The following GRID2IP variants were observed in gnomAD, a reference collection of about 807,000 sequenced individuals.
GRID2IP encodes the protein Grid2 interacting protein.
GRID2IP carries 78 observed loss-of-function variants against 114.3 expected under a neutral mutation model. The observed-to-expected ratio is 0.68, with a 90% CI of 0.57 to 0.82. The LOEUF (loss-of-function observed/expected upper bound fraction) is 0.82, where lower values mean the gene tolerates loss of function less well. GRID2IP is among the 40% of genes least tolerant of loss of function. GRID2IP has a pLI of 0.00. For synonymous variants in GRID2IP, 809 were observed against 724.0 expected (o/e 1.12, Z -1.89); for missense variants, 1,727 against 1,678.5 (o/e 1.03, Z -0.51).
rs932733928 is a variant in GRID2IP at position 6,536,901 on chromosome 7, C to A, written c.584+2817G>T. ...TCCGCTGCAGAGCCGAGAGCTGCGC[C>A]GGGGCTGGGGTGGGCGGGGGGGCGG... is the stretch of plus-strand genomic sequence containing the variant. On this transcript the variant is annotated intron_variant, in intron 2 of 21. Transcript: ENST00000457091. This position sits in a 1 kb window ranked among gnomAD's most constrained non-coding sequence, Gnocchi z 5.3. 1.0e-4 allele frequency: 5 copies of A among 48,946 alleles called. No individual in the cohort carries two copies. Among genetic ancestry groups the A allele is most frequent in the African/African-American group, 7.1e-4 (4 of 5,620 alleles). The allele number at this position is 48,946 out of a possible 1,614,324, so 3.0% of individuals were successfully genotyped here. A position where few individuals can be genotyped will look rare whatever the true frequency, so the allele number is the denominator to read the frequency against.
At chr7:6,498,351 G>T in intron 20 of GRID2IP, 123 bp from the exon 21 acceptor site, 1 of 881,768 alleles carries the variant, frequency 1.1e-6, no homozygotes, top group Non-Finnish European at 1.7e-6. Context: ...CCAAGGGCCA[G>T]GCCCTGTGTC....
In GRID2IP at chr7:6,523,409, G is replaced by A. The variant is rs1195962260; in HGVS notation, c.920-1452C>T. ...TCAAAGAGCACTGGGCCAGGAGTCA[G>A]GAGATCCCAGTTTCTGGTCCTTAAT... On this transcript the variant is annotated intron_variant, in intron 4 of 21. Coordinates refer to ENST00000457091, the MANE Select transcript of GRID2IP (RefSeq NM_001145118.2). The surrounding 1 kb of genome is among the most constrained non-coding windows in gnomAD (Gnocchi z 4.5). Among the ~76,000 whole-genome samples, 1 of 152,084 alleles carries A rather than the reference G, an allele frequency of 6.6e-6. No individual in the cohort carries two copies. Among genetic ancestry groups the A allele is most frequent in the Non-Finnish European group, 1.5e-5 (1 of 68,036 alleles).
chr7:6,530,366 C>T (rs1779594337), intron 2 of GRID2IP, among the ~76,000 whole-genome samples: 2 of 151,886 alleles, frequency 1.3e-5, no homozygotes, highest in Non-Finnish European at 1.5e-5. Context: ...CAGGTTCAAG[C>T]GATTCTCCTG....
In GRID2IP at chr7:6,519,260, G is replaced by A. The variant is rs548291049; in HGVS notation, c.1268+1318C>T. Among the ~76,000 whole-genome samples, 50 of 152,212 alleles carry A rather than the reference G, an allele frequency of 3.3e-4. No homozygotes were observed. Among genetic ancestry groups the A allele is most frequent in the African/African-American group, 1.2e-3 (49 of 41,538 alleles). On this transcript the variant is annotated intron_variant, in intron 7 of 21. Transcript: ENST00000457091. The surrounding 1 kb of genome is among the most constrained non-coding windows in gnomAD (Gnocchi z 4.1). The stretch of plus-strand genomic sequence containing the variant: ...AAATGGACCGTGGTGATGTTTGCAC[G>A]TATTTGTGAATATACTAAAAACCAC...
At chr7:6,540,054 CCTTT>C (rs1779789106) in intron 1 of GRID2IP, among the ~76,000 whole-genome samples, 182 bp from the exon 2 acceptor site, 1 of 151,648 alleles carries the variant, frequency 6.6e-6, no homozygotes, top group East Asian at 1.9e-4. Flanking sequence ...TCTCTTCCTT[CCTTT>C]CTTCCTTCCT....
At chr7:6,538,582 A>G (rs1401663780) in intron 2 of GRID2IP, among the ~76,000 whole-genome samples, 2 of 150,994 alleles carry the variant, frequency 1.3e-5, no homozygotes, top group East Asian at 2.0e-4. Flanking sequence ...AAAACAAAAC[A>G]AGAAAAGTAA....
Position 6,497,235 on chromosome 7 carries a change from C to T in GRID2IP, c.*539G>A, listed in dbSNP as rs1786278041. Among the ~76,000 whole-genome samples the T allele has an allele frequency of 1.3e-5, 2 of 152,230 alleles. No homozygotes were observed. The highest frequency in any genetic ancestry group is 2.4e-5 in the African/African-American group (1 of 41,462). On this transcript the variant is annotated 3_prime_UTR_variant, in exon 22 of 22. Transcript: ENST00000457091. ...TCCTTCTCCAGTCCTTCCTTCCCTG[C>T]GTCTCTCCCAGGCTTCTCTCTTCCT...
At position 6,510,643 on chromosome 7, in the gene GRID2IP, C is replaced by A. The variant is rs375089083; in HGVS notation, c.1619G>T (p.Gly540Val). ...GTTGGGGGTCTCAGGGAGGGACGTG[C>A]CGTCGCCTGCCTGGCGCTCGCCTGG... ...LIPGERQAGD[G>V]TSLPETPNPK... Residue 540 changes from glycine (G) to valine (V), a missense_variant, in exon 10 of 22, where the codon GGC (glycine) becomes GTC (valine). By Grantham distance (109) the Gly-to-Val change is moderately radical (BLOSUM62 -3). Coordinates refer to ENST00000457091, the MANE Select transcript of GRID2IP (RefSeq NM_001145118.2). 1 of 1,538,092 alleles carries A rather than the reference C, an allele frequency of 6.5e-7. No homozygotes were observed. Among genetic ancestry groups the A allele is most frequent in the African/African-American group, 1.4e-5 (1 of 72,102 alleles).
At chr7:6,512,058 C>G (rs892849910) in intron 8 of GRID2IP, among the ~76,000 whole-genome samples, 4 of 151,498 alleles carry the variant, frequency 2.6e-5, no homozygotes, top group African/African-American at 7.3e-5. Flanking sequence ...CAGGCATGCA[C>G]CACCATGCCT....
chr7:6,502,593 C>T (rs1046475131), intron 18 of GRID2IP, among the ~76,000 whole-genome samples, 193 bp downstream of exon 18: 2 of 148,986 alleles, frequency 1.3e-5, no homozygotes, highest in East Asian at 4.0e-4. Flanking sequence ...TGTGTTCCCC[C>T]ACCCCACCCC....
chr7:6,510,400 T>C lies in GRID2IP; in HGVS notation c.1654A>G (p.Met552Val). The C allele has an allele frequency of 6.6e-7, 1 of 1,522,720 alleles. No individual in the cohort carries two copies. The highest frequency in any genetic ancestry group is 8.8e-7 in the Non-Finnish European group (1 of 1,131,052). 94.3% of individuals were successfully genotyped at this position (1,522,720 alleles called of 1,614,324 possible). A position where few individuals can be genotyped will look rare whatever the true frequency, so the allele number is the denominator to read the frequency against. Reference sequence around the variant, plus strand: ...TCAAGCTCTGCATAGACGGCTGACATCTGGAGGGAGACGGGGGAGAGTCCA... The same window carrying C: ...TCAAGCTCTGCATAGACGGCTGACACCTGGAGGGAGACGGGGGAGAGTCCA... ...SLPETPNPKMMSAVYAELESR... is the reference protein window; with the variant it reads ...SLPETPNPKMVSAVYAELESR... Residue 552 changes from methionine (M) to valine (V), a missense_variant and splice_region_variant, in exon 11 of 22, where the codon ATG (methionine) becomes GTG (valine). Coordinates refer to ENST00000457091, the MANE Select transcript of GRID2IP (RefSeq NM_001145118.2).
chr7:6,539,133 C>T (rs1323719201), intron 2 of GRID2IP, among the ~76,000 whole-genome samples: 2 of 144,344 alleles, frequency 1.4e-5, no homozygotes, highest in African/African-American at 2.5e-5. Context: ...AGACTGTGAC[C>T]TTTTTTTTTT....
Position 6,520,496 on chromosome 7 carries a change from G to A in GRID2IP, c.1268+82C>T. The A allele has an allele frequency of 7.1e-7, 1 of 1,405,076 alleles. No homozygotes were observed. Among genetic ancestry groups the A allele is most frequent in the Non-Finnish European group, 9.6e-7 (1 of 1,039,046 alleles). 87.0% of individuals were successfully genotyped at this position (1,405,076 alleles called of 1,614,324 possible). A position where few individuals can be genotyped will look rare whatever the true frequency, so the allele number is the denominator to read the frequency against. On this transcript the variant is annotated intron_variant, in intron 7 of 21. Transcript: ENST00000457091. The surrounding 1 kb of genome is among the most constrained non-coding windows in gnomAD (Gnocchi z 4.6). ...AGGAGAACGGGACTGAGGAGGTTCA[G>A]GCAGGGAGACTGGGATGTGAGTCTA...
At chr7:6,541,342 C>T (rs181996418) in intron 1 of GRID2IP, among the ~76,000 whole-genome samples, 425 of 152,328 alleles carry the variant, frequency 2.8e-3, no homozygotes, top group Non-Finnish European at 3.8e-3. Flanking sequence ...CCACACCACA[C>T]ATTCAGTAAT....
At chr7:6,539,495 A>G (rs771009342) in intron 2 of GRID2IP, among the ~76,000 whole-genome samples, 1 of 152,036 alleles carries the variant, frequency 6.6e-6, no homozygotes, top group Admixed American at 6.6e-5. Flanking sequence ...CCCATCACTC[A>G]AGGTGGTACC....
chr7:6,504,987 A>C, intron 14 of GRID2IP, 117 bp from the exon 15 acceptor site: 1 of 778,236 alleles, frequency 1.3e-6, no homozygotes. Context: ...ACCTCGACTT[A>C]ATCAGCTACA....
rs1293789148 is a variant in GRID2IP at position 6,501,852 on chromosome 7, T to C, written c.3328A>G (p.Ile1110Val). Reference protein sequence around the residue: ...TSDLADLHGTISEIQDACQSI... With the variant: ...TSDLADLHGTVSEIQDACQSI... ...TGGCAGGCATCCTGTATCTCGCTGA[T>C]AGTGCCATGGAGGTCAGCCAGGTCA... Residue 1110 changes from isoleucine to valine, a missense_variant, in exon 20 of 22, where the codon ATC becomes GTC. Ile to Val is a conservative substitution (Grantham distance 29, BLOSUM62 3). Transcript: ENST00000457091. The C allele has an allele frequency of 1.9e-6, 3 of 1,551,604 alleles. No individual in the cohort carries two copies. The highest frequency in any genetic ancestry group is 3.9e-5 in the Admixed American group (2 of 51,002).
At position 6,551,053 on chromosome 7, in the gene GRID2IP, C is replaced by G; in HGVS notation, c.384G>C (p.Ala128=). The change falls in exon 1 of 22, where the codon GCG becomes GCC. Residue 128 remains alanine (A), a synonymous_variant. Transcript: ENST00000457091. ...LRLAGRKRPD[A]VHRERRRKAQ... The stretch of plus-strand genomic sequence containing the variant: ...CCTTGCGCCTGCGCTCTCGGTGCAC[C>G]GCGTCCGGGCGCTTGCGGCCGGCCA... 1 of 1,307,358 alleles carries G rather than the reference C, an allele frequency of 7.6e-7. No homozygotes were observed. Among genetic ancestry groups the G allele is most frequent in the Non-Finnish European group, 9.7e-7 (1 of 1,030,816 alleles). 81.0% of individuals were successfully genotyped at this position (1,307,358 alleles called of 1,614,324 possible).
intron 7 of GRID2IP, among the ~76,000 whole-genome samples, chr7:6,515,672 G>A (rs1779281144): frequency 6.6e-6 from 1 of 151,894 alleles, no homozygotes. Flanking sequence ...CAGCTACTCA[G>A]GAGGCTGAGG....
Sources: allele counts gnomAD v4.1 joint callset (sites outside exome capture counted in the v4.1 genomes callset), GRCh38; gene constraint gnomAD v4.1.1; non-coding constraint Gnocchi (gnomAD v3.1); transcripts MANE v1.5; gene names NCBI Gene and HGNC (gene_info 2026-07-23, HGNC 2026-07-21).